CDH23: variants seen among roughly 807,000 people sequenced by gnomAD.
CDH23 encodes cadherin-23.
A neutral mutation model predicts 317.1 loss-of-function variants in CDH23; 189 were observed. That is an observed-to-expected ratio of 0.60 (90% CI 0.53 to 0.67). The LOEUF is 0.67. CDH23 is among the 30% of genes least tolerant of loss of function. CDH23 has a pLI of 0.00. For missense variants in CDH23, 4,401 were observed against 4,592.4 expected (o/e 0.96, Z 1.20); for synonymous variants, 1,839 against 1,876.8 (o/e 0.98, Z 0.52).
At chr10:71,446,896 T>C (rs906073879) in intron 3 of CDH23, among the ~76,000 whole-genome samples, 2 of 152,228 alleles carry the variant, frequency 1.3e-5, no homozygotes, top group Non-Finnish European at 2.9e-5. Context: ...CCTACATCTG[T>C]GGCCCCATTG....
At chr10:71,784,009 T>C (rs1439823828) in intron 41 of CDH23, among the ~76,000 whole-genome samples, 1 of 152,218 alleles carries the variant, frequency 6.6e-6, no homozygotes, top group East Asian at 1.9e-4. Context: ...CTGGCCTGCC[T>C]GTGGCCCAGG....
intron 38 of CDH23, among the ~76,000 whole-genome samples, chr10:71,767,116 C>A (rs899573748): frequency 6.6e-6 from 1 of 152,254 alleles, no homozygotes; most frequent in African/African-American, 2.4e-5. Context: ...AGCTGTGGCA[C>A]CCTCAGATGT....
At chr10:71,631,812 T>G (rs1431996174) in intron 11 of CDH23, among the ~76,000 whole-genome samples, 1 of 152,236 alleles carries the variant, frequency 6.6e-6, no homozygotes, top group Admixed American at 6.5e-5. Flanking sequence ...AGGGACAGAC[T>G]GTGCTTAAAT....
At chr10:71,664,895 C>T (rs556598099) in intron 14 of CDH23, among the ~76,000 whole-genome samples, 2 of 146,344 alleles carry the variant, frequency 1.4e-5, no homozygotes, top group South Asian at 4.6e-4. Flanking sequence ...TCTCCCCTCC[C>T]CATCTTCCTT....
intron 32 of CDH23, among the ~76,000 whole-genome samples, chr10:71,733,776 T>C (rs1365037475): frequency 6.6e-6 from 1 of 152,244 alleles, no homozygotes; most frequent in African/African-American, 2.4e-5. Flanking sequence ...TCGTCTTTGC[T>C]TTAGTGTATC....
At chr10:71,654,820 A>G (rs7087554) in intron 14 of CDH23, among the ~76,000 whole-genome samples, 71,475 of 151,942 alleles carry the variant, frequency 0.47, 17,380 homozygotes, top group Admixed American at 0.62. Flanking sequence ...GGAGTGTCCC[A>G]AGAGATCCAG....
intron 33 of CDH23, 32 bp from the exon 34 acceptor site, chr10:71,734,624 C>T (rs1839503762): frequency 6.5e-7 from 1 of 1,539,650 alleles, no homozygotes. Flanking sequence ...CCTTTTCTCT[C>T]ACTCCCCTCC....
intron 1 of CDH23, among the ~76,000 whole-genome samples, chr10:71,415,613 T>C: frequency 6.6e-6 from 1 of 152,214 alleles, no homozygotes. Flanking sequence ...TTTATAGATT[T>C]TCTTCTTTTC....
Position 71,805,900 on chromosome 10 carries a change from C to T in CDH23, c.7967C>T (p.Ala2656Val), listed in dbSNP as rs767941694. The change falls in exon 56 of 70, where the codon GCG becomes GTG. Residue 2656 changes from alanine to valine, a missense_variant. Transcript: ENST00000224721. ...GAVRYSFLKT[A>V]GNRDWEFFII... ...GTGCGCTACAGCTTCCTGAAGACTG[C>T]GGGCAACCGGGACTGGGAGTTCTTC... 1.9e-6 allele frequency: 3 copies of T among 1,613,448 alleles called. No individual in the cohort carries two copies. Among genetic ancestry groups the T allele is most frequent in the African/African-American group, 1.3e-5 (1 of 74,918 alleles).
intron 38 of CDH23, among the ~76,000 whole-genome samples, chr10:71,747,064 C>T (rs1839869641): frequency 6.6e-6 from 1 of 152,146 alleles, no homozygotes; most frequent in South Asian, 2.1e-4. Context: ...GCTGGCCTTC[C>T]CTGACCCAGC....
chr10:71,537,679 C>A (rs76036927), intron 6 of CDH23, among the ~76,000 whole-genome samples: 19,288 of 152,112 alleles, frequency 0.13, 1,513 homozygotes, highest in African/African-American at 0.2. Flanking sequence ...CCCAAAAAAA[C>A]CCCAGCTGAA....
At chr10:71,471,839 G>T (rs919918900) in intron 3 of CDH23, among the ~76,000 whole-genome samples, 2 of 152,106 alleles carry the variant, frequency 1.3e-5, no homozygotes, top group Non-Finnish European at 2.9e-5. Context: ...CCATCCTTGG[G>T]ATCTTTCCTC....
intron 6 of CDH23, among the ~76,000 whole-genome samples, chr10:71,560,212 G>C (rs1438718084): frequency 6.6e-6 from 1 of 152,136 alleles, no homozygotes; most frequent in South Asian, 2.1e-4. Context: ...AGAAACCGAA[G>C]TGCAGATGTT....
intron 22 of CDH23, among the ~76,000 whole-genome samples, chr10:71,701,306 C>T (rs1865574935): frequency 6.6e-6 from 1 of 152,148 alleles, no homozygotes; most frequent in Admixed American, 6.5e-5. Context: ...GGGGCCTCGG[C>T]GAAGATGAGG....
At chr10:71,688,767 A>G (rs369533705) in intron 19 of CDH23, among the ~76,000 whole-genome samples, 813 of 23,890 alleles carry the variant, frequency 0.034, 2 homozygotes, top group Middle Eastern at 0.045. Flanking sequence ...GGAGCCAGGG[A>G]TGGTGGAGCC....
intron 38 of CDH23, chr10:71,747,662 A>T: frequency 6.6e-6 from 1 of 152,378 alleles, no homozygotes; most frequent in Non-Finnish European, 1.5e-5. Context: ...CAGGATTTTC[A>T]GGGAAGGGGG....
intron 11 of CDH23, among the ~76,000 whole-genome samples, chr10:71,635,820 G>C (rs937529868): frequency 2.6e-5 from 4 of 152,122 alleles, no homozygotes; most frequent in Non-Finnish European, 5.9e-5. Flanking sequence ...TGTAAACATA[G>C]AAACTTATTT....
intron 6 of CDH23, among the ~76,000 whole-genome samples, chr10:71,539,700 TCC>T (rs1221233683): frequency 6.6e-6 from 1 of 151,188 alleles, no homozygotes; most frequent in Non-Finnish European, 1.5e-5. Flanking sequence ...ACTTCTTTGC[TCC>T]CTTCTCTCTC....
At chr10:71,429,457 G>A (rs1208707900) in intron 1 of CDH23, among the ~76,000 whole-genome samples, 1 of 152,184 alleles carries the variant, frequency 6.6e-6, no homozygotes, top group Non-Finnish European at 1.5e-5. Flanking sequence ...ATAAGAGGTG[G>A]GAGACCCCGC....
Sources: allele counts gnomAD v4.1 joint callset (sites outside exome capture counted in the v4.1 genomes callset), GRCh38; gene constraint gnomAD v4.1.1; transcripts MANE v1.5; gene names NCBI Gene and HGNC (gene_info 2026-07-23, HGNC 2026-07-21).